The following PALM2AKAP2 variants were observed in gnomAD, a reference collection of about 807,000 sequenced individuals.
The protein encoded by PALM2AKAP2 is PALM2 and AKAP2 fusion, also known as PALM2-AKAP2 fusion protein.
Under a neutral mutation model 71.5 loss-of-function variants are expected in PALM2AKAP2, and 37 were observed. The ratio of observed to expected loss-of-function variants is 0.52; its 90% CI spans 0.40 to 0.68. PALM2AKAP2 has a LOEUF of 0.68. Ranked by LOEUF, PALM2AKAP2 falls within the 30% of genes least tolerant of loss-of-function variation. The pLI is 0.00. For synonymous variants in PALM2AKAP2, 468 were observed against 478.8 expected (o/e 0.98, Z 0.29); for missense variants, 1,224 against 1,191.8 (o/e 1.03, Z -0.40).
At chr9:109,958,532 G>A (rs796470756) in intron 6 of PALM2AKAP2, among the ~76,000 whole-genome samples, 5 of 152,062 alleles carry the variant, frequency 3.3e-5, no homozygotes, top group African/African-American at 1.2e-4. Context: ...CTGAGTGGAC[G>A]CCAACCTCAG....
At chr9:109,954,265 T>A (rs1256836571) in intron 6 of PALM2AKAP2, among the ~76,000 whole-genome samples, 1 of 152,122 alleles carries the variant, frequency 6.6e-6, no homozygotes, top group East Asian at 1.9e-4. Flanking sequence ...ACCACTGTCA[T>A]AACAGCAAAG....
chr9:109,995,582 G>A (rs1832557788), intron 6 of PALM2AKAP2, among the ~76,000 whole-genome samples: 1 of 152,180 alleles, frequency 6.6e-6, no homozygotes, highest in South Asian at 2.1e-4. Context: ...ATCTTACATG[G>A]CGGCAGGCAA....
intron 7 of PALM2AKAP2, among the ~76,000 whole-genome samples, chr9:110,021,426 C>G (rs796650230): frequency 6.6e-6 from 1 of 152,072 alleles, no homozygotes; most frequent in Non-Finnish European, 1.5e-5. Flanking sequence ...TTTAAGCCAC[C>G]AAGTGTGTGG....
At chr9:109,888,307 G>A (rs1046305857) in intron 3 of PALM2AKAP2, among the ~76,000 whole-genome samples, 2 of 152,184 alleles carry the variant, frequency 1.3e-5, no homozygotes, top group Admixed American at 6.5e-5. Flanking sequence ...GGACTTAAGT[G>A]TCCTCGCCTG....
At chr9:109,723,235 A>G (rs909213952) in intron 1 of PALM2AKAP2, among the ~76,000 whole-genome samples, 7 of 152,190 alleles carry the variant, frequency 4.6e-5, no homozygotes, top group African/African-American at 1.7e-4. Context: ...CTAGGAAACC[A>G]GGCCTATCCA....
chr9:109,689,515 T>C (rs1827852043), intron 1 of PALM2AKAP2, among the ~76,000 whole-genome samples: 1 of 152,222 alleles, frequency 6.6e-6, no homozygotes, highest in African/African-American at 2.4e-5. Context: ...CAATACCTTC[T>C]TTAAAGCCTT....
chr9:109,987,127 A>ATTCTT (rs767546447), intron 6 of PALM2AKAP2, among the ~76,000 whole-genome samples: 15 of 151,604 alleles, frequency 9.9e-5, no homozygotes, highest in African/African-American at 3.6e-4. Context: ...TCCTTTCTCT[A>ATTCTT]TTCTTTTCTT....
At chr9:110,081,908 CCCCAGTTCCCCCATATGTGTTCT>C (rs1834457793) in intron 1 of PALM2AKAP2, among the ~76,000 whole-genome samples, 1 of 152,064 alleles carries the variant, frequency 6.6e-6, no homozygotes, top group Non-Finnish European at 1.5e-5. Flanking sequence ...TGCTAAATAG[CCCCAGTTCCCCCATATGTGTTCT>C]TATTTGATAG....
At chr9:109,902,967 G>A (rs1421995540) in intron 3 of PALM2AKAP2, among the ~76,000 whole-genome samples, 1 of 152,092 alleles carries the variant, frequency 6.6e-6, no homozygotes, top group Non-Finnish European at 1.5e-5. Flanking sequence ...CCTTGTGTTG[G>A]TTTCTGGCAT....
chr9:109,900,814 T>C (rs1830311216), intron 3 of PALM2AKAP2, among the ~76,000 whole-genome samples: 3 of 152,306 alleles, frequency 2.0e-5, no homozygotes, highest in Admixed American at 1.3e-4. Flanking sequence ...TTCCAAGAAA[T>C]ATTTCTTACC....
rs1051221599 is a variant in PALM2AKAP2 at position 109,730,920 on chromosome 9, T to A, written c.6-49568T>A. Reference sequence around the variant, plus strand: ...TTTGCCAGTGGAAAAAAAAAAAGGATAACATAACATCCCTTATACTAATTA... The same window carrying A: ...TTTGCCAGTGGAAAAAAAAAAAGGAAAACATAACATCCCTTATACTAATTA... On this transcript the variant is annotated intron_variant, in intron 1 of 6. Transcript: ENST00000374531. Among the ~76,000 whole-genome samples, 19 of 151,530 alleles carry A rather than the reference T, an allele frequency of 1.3e-4. 1 individual carries two copies. The highest frequency in any genetic ancestry group is 4.6e-4 in the African/African-American group (19 of 40,930).
At chr9:109,967,466 G>A (rs1194708660) in intron 6 of PALM2AKAP2, among the ~76,000 whole-genome samples, 1 of 150,954 alleles carries the variant, frequency 6.6e-6, no homozygotes, top group Non-Finnish European at 1.5e-5. Flanking sequence ...CTAGAGTGCA[G>A]TGGCACGATC....
chr9:109,645,543 G>T (rs1173726647), intron 1 of PALM2AKAP2, among the ~76,000 whole-genome samples: 1 of 140,796 alleles, frequency 7.1e-6, no homozygotes, highest in Non-Finnish European at 1.5e-5. Context: ...GAGCTTCTTA[G>T]TTTAAGAAAA....
At chr9:109,697,697 G>C (rs1470982541) in intron 1 of PALM2AKAP2, among the ~76,000 whole-genome samples, 1 of 152,112 alleles carries the variant, frequency 6.6e-6, no homozygotes, top group South Asian at 2.1e-4. Context: ...GAAGTCCCTA[G>C]AGGGTGCAAA....
intron 1 of PALM2AKAP2, among the ~76,000 whole-genome samples, chr9:109,738,563 A>G (rs768243386): frequency 1.3e-5 from 2 of 152,216 alleles, no homozygotes; most frequent in Non-Finnish European, 2.9e-5. Flanking sequence ...TGACATTTAA[A>G]AACATTTCAC....
chr9:109,667,135 T>C (rs142796171), intron 1 of PALM2AKAP2, among the ~76,000 whole-genome samples: 145 of 152,076 alleles, frequency 9.5e-4, no homozygotes, highest in African/African-American at 3.2e-3. Context: ...AGCCACTCAA[T>C]TGAAGATTCA....
At chr9:110,007,283 C>T (rs186463343) in intron 6 of PALM2AKAP2, among the ~76,000 whole-genome samples, 247 of 152,266 alleles carry the variant, frequency 1.6e-3, no homozygotes, top group Non-Finnish European at 2.9e-3. Context: ...GCCAATCAAT[C>T]CTCTGTTGTT....
chr9:109,768,146 A>AGAAG lies in PALM2AKAP2; in HGVS notation c.6-12335_6-12332dup, dbSNP rs59284000. 6.5e-3 allele frequency among the ~76,000 whole-genome samples: 991 copies of AGAAG among 151,544 alleles called. 11 individuals are homozygous for AGAAG. The highest frequency in any genetic ancestry group is 0.022 in the South Asian group (107 of 4,760). ...GAAAGAAAGAAAGAAATGGAAGGAAAGAAGGAAGGAGGAAGGAAAGTAGGA... is the reference window on the plus strand; with the variant it reads ...GAAAGAAAGAAAGAAATGGAAGGAAAGAAGGAAGGAAGGAGGAAGGAAAGTAGGA... On this transcript the variant is annotated intron_variant, in intron 1 of 6. Coordinates refer to the PALM2AKAP2 transcript ENST00000374531.
At chr9:110,092,021 G>A (rs1028022894) in intron 1 of PALM2AKAP2, among the ~76,000 whole-genome samples, 1 of 152,166 alleles carries the variant, frequency 6.6e-6, no homozygotes, top group Non-Finnish European at 1.5e-5. Flanking sequence ...TCATGTGAAA[G>A]GTTGCCTGAG....
Sources: gnomAD v4.1 joint callset for allele counts (sites outside exome capture counted in the v4.1 genomes callset) on GRCh38, gnomAD v4.1.1 for gene constraint, MANE v1.5 for transcripts, NCBI Gene and HGNC (gene_info 2026-07-23, HGNC 2026-07-21) for gene names.